TSPAN15: variants seen among roughly 807,000 people sequenced by gnomAD.
TSPAN15 encodes tetraspanin-15.
Under a neutral mutation model 34.5 loss-of-function variants are expected in TSPAN15, and 20 were observed. That is an observed-to-expected ratio of 0.58 (90% CI 0.41 to 0.84). The LOEUF (loss-of-function observed/expected upper bound fraction) is 0.84, where lower values mean the gene tolerates loss of function less well. Ranked by LOEUF, TSPAN15 falls within the 40% of genes least tolerant of loss-of-function variation. The probability of loss-of-function intolerance (pLI) is 0.00; values close to 1 mark genes in which losing one functional copy is unlikely to be tolerated. For synonymous variants in TSPAN15, 155 were observed against 153.9 expected (o/e 1.01, Z -0.05); for missense variants, 313 against 386.1 (o/e 0.81, Z 1.59).
At chr10:69,538,766 G>A in the TSPAN15 span, among the ~76,000 whole-genome samples, 1 of 152,218 alleles carries the variant, frequency 6.6e-6, no homozygotes, top group African/African-American at 2.4e-5. Flanking sequence ...TCCTTCCTGT[G>A]TGTTGAGAGC....
At chr10:69,484,797 C>T (rs1361466823) in intron 2 of TSPAN15, among the ~76,000 whole-genome samples, 1 of 152,184 alleles carries the variant, frequency 6.6e-6, no homozygotes, top group Non-Finnish European at 1.5e-5. Context: ...TTAAGCCAGG[C>T]CTAGCCCCTC....
At chr10:69,485,951 C>G (rs1008362157) in intron 3 of TSPAN15, among the ~76,000 whole-genome samples, 5 of 152,096 alleles carry the variant, frequency 3.3e-5, no homozygotes, top group Admixed American at 3.3e-4. Context: ...GCATCCTGGC[C>G]CTGGCAGGGT....
intron 1 of TSPAN15, among the ~76,000 whole-genome samples, chr10:69,471,292 T>C (rs1404711849): frequency 6.6e-6 from 1 of 152,078 alleles, no homozygotes; most frequent in African/African-American, 2.4e-5. Flanking sequence ...ACCACTTTCA[T>C]AGTAATAGTA....
the TSPAN15 span, chr10:69,523,735 G>A: frequency 4.0e-5 from 7 of 175,148 alleles, no homozygotes; most frequent in African/African-American, 1.4e-4. Flanking sequence ...TTTTATTTCC[G>A]GGCTCTGTAC....
chr10:69,485,143 C>T lies in TSPAN15; in HGVS notation c.285C>T (p.Phe95=), dbSNP rs762479514. 18 of 1,614,044 alleles carry T rather than the reference C, an allele frequency of 1.1e-5. No homozygotes were observed. Among genetic ancestry groups the T allele is most frequent in the Non-Finnish European group, 1.4e-5 (17 of 1,180,008 alleles). The part of the protein sequence containing the change: ...LRDNLYLLQA[F]MYILGICLIM... Reference sequence around the variant, plus strand: ...AGTCTCTGAATTCTGTTTTCCAGTTCATGTACATCCTTGGGATCTGCCTCA... The same window carrying T: ...AGTCTCTGAATTCTGTTTTCCAGTTTATGTACATCCTTGGGATCTGCCTCA... Residue 95 remains phenylalanine, a splice_region_variant and synonymous_variant, in exon 3 of 8, where the codon TTC becomes TTT. Transcript: ENST00000373290.
chr10:69,465,539 T>C (rs1425071578), intron 1 of TSPAN15, among the ~76,000 whole-genome samples: 1 of 152,190 alleles, frequency 6.6e-6, no homozygotes, highest in Admixed American at 6.5e-5. Flanking sequence ...GCCCTTCTTG[T>C]GTGCCAGGCT....
At chr10:69,481,313 G>C (rs1168285970) in intron 1 of TSPAN15, among the ~76,000 whole-genome samples, 1 of 152,114 alleles carries the variant, frequency 6.6e-6, no homozygotes, top group Admixed American at 6.5e-5. Context: ...TTCTAGACTG[G>C]GGGGAAAGGT....
rs934890815 is a variant in TSPAN15 at position 69,490,378 on chromosome 10, C to T, written c.357+5163C>T. 5.3e-5 allele frequency among the ~76,000 whole-genome samples: 8 copies of T among 152,320 alleles called. No homozygotes were observed. The South Asian group carries it at 1.2e-3, about 24-fold the overall frequency. On this transcript the variant is annotated intron_variant, in intron 3 of 7. Transcript: ENST00000373290. ...AAAATGGTGTAGTACTTGAATATAACCTACACACATCCTCCTGTAAATTGC... is the reference window on the plus strand; with the variant it reads ...AAAATGGTGTAGTACTTGAATATAATCTACACACATCCTCCTGTAAATTGC...
intron 3 of TSPAN15, chr10:69,494,997 C>A (rs1842047761): frequency 2.1e-6 from 1 of 476,900 alleles, no homozygotes; most frequent in Non-Finnish European, 2.7e-6. Flanking sequence ...CCGAGGGGGA[C>A]CGAGTGCTGC....
Position 69,507,578 on chromosome 10 carries a change from A to G in TSPAN15, c.*600A>G. 1.5e-6 allele frequency: 2 copies of G among 1,304,100 alleles called. No individual in the cohort carries two copies. Among genetic ancestry groups the G allele is most frequent in the Non-Finnish European group, 2.0e-6 (2 of 988,928 alleles). 80.8% of individuals were successfully genotyped at this position (1,304,100 alleles called of 1,614,324 possible). Reference sequence around the variant, plus strand: ...GATAACAGGAGTTTCTGACTAATCAAAGCTGGTATTTCCCCGCATGTCTTA... The same window carrying G: ...GATAACAGGAGTTTCTGACTAATCAGAGCTGGTATTTCCCCGCATGTCTTA... On this transcript the variant is annotated 3_prime_UTR_variant, in exon 8 of 8. Transcript: ENST00000373290.
Position 69,507,649 on chromosome 10 carries a change from A to ATT in TSPAN15, c.*672_*673insTT. On this transcript the variant is annotated 3_prime_UTR_variant, in exon 8 of 8. Coordinates refer to ENST00000373290, the MANE Select transcript of TSPAN15 (RefSeq NM_012339.5). ...AGTTTGTTAATCAAACAATAAAAAC[A>ATT]TGTTTTTTTTTTTTTTTTTTTTTTG... is the stretch of plus-strand genomic sequence containing the variant. 5.2e-6 allele frequency: 6 copies of ATT among 1,153,682 alleles called. No homozygotes were observed. Among genetic ancestry groups the ATT allele is most frequent in the East Asian group, 7.3e-5 (1 of 13,628 alleles). The allele number at this position is 1,153,682 out of a possible 1,614,324, so 71.5% of individuals were successfully genotyped here.
At chr10:69,517,399 C>T in the TSPAN15 span, among the ~76,000 whole-genome samples, 1,951 of 152,346 alleles carry the variant, frequency 0.013, 54 homozygotes, top group African/African-American at 0.045. Context: ...CTGCCGGGGG[C>T]TCGGCCCCCT....
the TSPAN15 span, among the ~76,000 whole-genome samples, chr10:69,516,778 T>A: frequency 3.9e-5 from 6 of 152,310 alleles, no homozygotes; most frequent in Admixed American, 3.9e-4. Context: ...GATTCGTTTT[T>A]GTATGGTCAG....
intron 3 of TSPAN15, chr10:69,494,963 C>T (rs1023607647): frequency 6.0e-5 from 45 of 753,622 alleles, no homozygotes; most frequent in Middle Eastern, 6.5e-4. Context: ...ATGTTCCTCC[C>T]GGCAGGGATT....
At chr10:69,494,952 C>T (rs1842046567) in intron 3 of TSPAN15, 1 of 821,224 alleles carries the variant, frequency 1.2e-6, no homozygotes, top group Non-Finnish European at 1.5e-6. Flanking sequence ...GGCGGCCTGC[C>T]ATGTTCCTCC....
chr10:69,506,281 T>C lies in TSPAN15; in HGVS notation c.735+41T>C, dbSNP rs1270301034. 3.8e-6 allele frequency: 6 copies of C among 1,584,092 alleles called. No individual in the cohort carries two copies. The highest frequency in any genetic ancestry group is 5.2e-6 in the Non-Finnish European group (6 of 1,153,142). On this transcript the variant is annotated intron_variant, in intron 7 of 7. Coordinates refer to ENST00000373290, the MANE Select transcript of TSPAN15 (RefSeq NM_012339.5). This position sits in a 1 kb window ranked among gnomAD's most constrained non-coding sequence, Gnocchi z 4.7. ...GTTCAGAGAAAGTGTGACTTGGTGA[T>C]TGCAGAAGGGCAGAGAAGGTGCAGA...
the TSPAN15 span, chr10:69,523,463 T>C: frequency 1.8e-6 from 1 of 546,182 alleles, no homozygotes; most frequent in Non-Finnish European, 3.4e-6. Context: ...CAAAGGGGCT[T>C]TCTGCAAGAG....
rs946648968 is a variant in TSPAN15 at position 69,502,072 on chromosome 10, C to A, written c.571-2366C>A. 2.9e-4 allele frequency among the ~76,000 whole-genome samples: 43 copies of A among 150,492 alleles called. 1 individual carries two copies. The highest frequency in any genetic ancestry group is 6.0e-4 in the Admixed American group (9 of 15,096). On this transcript the variant is annotated intron_variant, in intron 5 of 7. Transcript: ENST00000373290. ...AGACCACTGGCTTAGAGTTTCCTGG[C>A]AACCAAAAGGAAAAGGGAGACATGG...
the TSPAN15 span, among the ~76,000 whole-genome samples, chr10:69,538,890 C>A: frequency 2.6e-5 from 4 of 152,148 alleles, no homozygotes; most frequent in African/African-American, 9.7e-5. Flanking sequence ...AAAAGGGAAG[C>A]CATTCCTTGT....
Sources: gnomAD v4.1 joint callset for allele counts (sites outside exome capture counted in the v4.1 genomes callset) on GRCh38, gnomAD v4.1.1 for gene constraint, Gnocchi (gnomAD v3.1) non-coding constraint, MANE v1.5 for transcripts, NCBI Gene and HGNC (gene_info 2026-07-23, HGNC 2026-07-21) for gene names.